Variants in MYO16 observed in about 807,000 individuals in gnomAD.
The protein encoded by MYO16 is unconventional myosin-XVI.
Under a neutral mutation model 205.3 loss-of-function variants are expected in MYO16, and 94 were observed. The ratio of observed to expected loss-of-function variants is 0.46; its 90% CI spans 0.39 to 0.54. MYO16 has a LOEUF of 0.54. MYO16 is among the 20% of genes least tolerant of loss of function. MYO16 has a pLI of 0.00. For synonymous variants in MYO16, 988 were observed against 954.0 expected (o/e 1.04, Z -0.66); for missense variants, 2,315 against 2,387.5 (o/e 0.97, Z 0.63).
chr13:109,160,066 C>T (rs556562168), intron 32 of MYO16, among the ~76,000 whole-genome samples: 10 of 152,320 alleles, frequency 6.6e-5, no homozygotes, highest in African/African-American at 2.4e-4. Context: ...GGGGGACCGT[C>T]CTGTGTGTTA....
chr13:108,617,629 C>T (rs2139329229), intron 1 of MYO16, among the ~76,000 whole-genome samples: 1 of 152,170 alleles, frequency 6.6e-6, no homozygotes, highest in African/African-American at 2.4e-5. Context: ...GTACAGTCTC[C>T]ATAAACAAAA....
intron 7 of MYO16, among the ~76,000 whole-genome samples, chr13:108,818,503 G>A (rs1875770083): frequency 6.6e-6 from 1 of 151,544 alleles, no homozygotes; most frequent in African/African-American, 2.4e-5. Flanking sequence ...ATGCATAAAT[G>A]AGAATATAAA....
At chr13:108,556,189 C>T in the MYO16 span, among the ~76,000 whole-genome samples, 1 of 152,026 alleles carries the variant, frequency 6.6e-6, no homozygotes, top group African/African-American at 2.4e-5. Flanking sequence ...TATGGTGGTT[C>T]TATTTTTAAT....
At chr13:109,186,691 T>G (rs1204346849) in intron 34 of MYO16, among the ~76,000 whole-genome samples, 1 of 152,166 alleles carries the variant, frequency 6.6e-6, no homozygotes, top group African/African-American at 2.4e-5. Context: ...TGGAAACTTT[T>G]CTGAGAAACA....
chr13:108,989,746 G>C (rs374205266), intron 20 of MYO16, among the ~76,000 whole-genome samples: 8 of 151,992 alleles, frequency 5.3e-5, no homozygotes, highest in South Asian at 2.1e-4. Context: ...TTTGAGGAAG[G>C]CTCTACCGAT....
At chr13:108,657,709 C>G (rs1881307484) in intron 1 of MYO16, among the ~76,000 whole-genome samples, 1 of 152,180 alleles carries the variant, frequency 6.6e-6, no homozygotes, top group African/African-American at 2.4e-5. Flanking sequence ...TCCGGACTAT[C>G]ACTCCTAATA....
intron 16 of MYO16, among the ~76,000 whole-genome samples, chr13:108,927,883 T>A (rs1057191183): frequency 2.6e-5 from 4 of 152,220 alleles, no homozygotes; most frequent in African/African-American, 9.6e-5. Context: ...CGCGTGCACC[T>A]GGCCTGGAGC....
intron 1 of MYO16, chr13:108,659,348 CT>C (rs947078993): frequency 1.2e-5 from 5 of 416,796 alleles, no homozygotes; most frequent in African/African-American, 1.0e-4. Context: ...ACAAACACAT[CT>C]ATTTAGATGT....
At chr13:108,593,672 T>TTAGC (rs985191104), upstream of MYO16, among the ~76,000 whole-genome samples, 16 of 152,264 alleles carry the variant, frequency 1.1e-4, no homozygotes, top group African/African-American at 3.9e-4. Context: ...ATGGATACAT[T>TTAGC]TAGCCCCAGG....
At chr13:108,607,394 C>A (rs968696351) in intron 1 of MYO16, among the ~76,000 whole-genome samples, 10 of 152,220 alleles carry the variant, frequency 6.6e-5, no homozygotes, top group Non-Finnish European at 1.5e-4. Flanking sequence ...GTGATTAGAT[C>A]ATGGGGGTGG....
At chr13:109,023,292 A>G (rs1220591111) in intron 23 of MYO16, among the ~76,000 whole-genome samples, 1 of 92,418 alleles carries the variant, frequency 1.1e-5, no homozygotes, top group Non-Finnish European at 1.9e-5. Flanking sequence ...TTTATATATT[A>G]TACAGATATA....
chr13:108,590,004 A>G, the MYO16 span, among the ~76,000 whole-genome samples: 1 of 152,136 alleles, frequency 6.6e-6, no homozygotes, highest in Non-Finnish European at 1.5e-5. Flanking sequence ...TTATTTCTAA[A>G]TGTGTGCAGT....
chr13:108,802,316 T>A (rs577702056), intron 6 of MYO16, among the ~76,000 whole-genome samples: 1 of 152,314 alleles, frequency 6.6e-6, no homozygotes, highest in East Asian at 1.9e-4. Flanking sequence ...GATTTAGATT[T>A]CACTTAGAAG....
At chr13:108,645,497 C>G (rs2139388414) in intron 1 of MYO16, among the ~76,000 whole-genome samples, 2 of 152,288 alleles carry the variant, frequency 1.3e-5, no homozygotes, top group Middle Eastern at 3.4e-3. Flanking sequence ...AACTTGCCTA[C>G]TCTGTGCCCC....
At chr13:108,566,658 G>C in the MYO16 span, among the ~76,000 whole-genome samples, 3 of 145,180 alleles carry the variant, frequency 2.1e-5, no homozygotes, top group Non-Finnish European at 4.5e-5. Flanking sequence ...AGAAAAGAAA[G>C]AAGGAAAGAA....
chr13:108,922,103 T>A (rs1422356438), intron 16 of MYO16, among the ~76,000 whole-genome samples: 1 of 152,236 alleles, frequency 6.6e-6, no homozygotes, highest in Non-Finnish European at 1.5e-5. Flanking sequence ...TCCAGAGCTG[T>A]GTCCACCCTC....
intron 6 of MYO16, among the ~76,000 whole-genome samples, chr13:108,798,514 C>T (rs1594302486): frequency 6.6e-6 from 1 of 152,070 alleles, no homozygotes; most frequent in Admixed American, 6.6e-5. Context: ...GAAAATGATA[C>T]AATTTTAATA....
chr13:108,923,645 G>A (rs9559447), intron 16 of MYO16, among the ~76,000 whole-genome samples: 26,541 of 152,182 alleles, frequency 0.17, 2,642 homozygotes, highest in East Asian at 0.49. Context: ...AATGCGGCCG[G>A]GGTGTTTGGG....
intron 3 of MYO16, 47 bp from the exon 4 acceptor site, chr13:108,727,393 A>G (rs748698609): frequency 6.3e-7 from 1 of 1,588,236 alleles, no homozygotes; most frequent in Non-Finnish European, 8.6e-7. Flanking sequence ...AATAAGCCAT[A>G]TCACAGTTTG....
Sources: gnomAD v4.1 joint callset for allele counts (sites outside exome capture counted in the v4.1 genomes callset) on GRCh38, gnomAD v4.1.1 for gene constraint, MANE v1.5 for transcripts, NCBI Gene and HGNC (gene_info 2026-07-23, HGNC 2026-07-21) for gene names.